The following PAIP1 variants were observed in gnomAD, a reference collection of about 807,000 sequenced individuals.
PAIP1 encodes poly(A) binding protein interacting protein 1.
Under a neutral mutation model 61.3 loss-of-function variants are expected in PAIP1, and 16 were observed. That is an observed-to-expected ratio of 0.26 (90% confidence interval 0.18 to 0.40). The LOEUF is 0.40. Ranked by LOEUF, PAIP1 falls within the 10% of genes least tolerant of loss-of-function variation. The probability of loss-of-function intolerance (pLI) is 1.00; values close to 1 mark genes in which losing one functional copy is unlikely to be tolerated. For synonymous variants in PAIP1, 187 were observed against 226.2 expected, an observed-to-expected ratio of 0.83 and a Z score of 1.56; for missense variants, 416 against 600.9, an observed-to-expected ratio of 0.69 and a Z score of 3.22.
intron 4 of PAIP1, among the ~76,000 whole-genome samples, chr5:43,542,733 T>C (rs1332772217): frequency 1.3e-5 from 2 of 152,154 alleles, no homozygotes; most frequent in Non-Finnish European, 2.9e-5. Flanking sequence ...TAGATCCTTA[T>C]TCAAACCAAA....
intron 2 of PAIP1, among the ~76,000 whole-genome samples, chr5:43,551,086 G>T (rs1474429538): frequency 6.6e-6 from 1 of 152,096 alleles, no homozygotes; most frequent in Non-Finnish European, 1.5e-5. Context: ...GATCTTAGAG[G>T]GCTTTGGGGG....
At position 43,557,004 on chromosome 5, in the gene PAIP1, C is replaced by T. The variant is rs1368555768; in HGVS notation, c.-158G>A. 25 of 1,203,486 alleles carry T rather than the reference C, an allele frequency of 2.1e-5. No homozygotes were observed. The highest frequency in any genetic ancestry group is 2.5e-5 in the Non-Finnish European group (24 of 957,406). 74.6% of individuals were successfully genotyped at this position (1,203,486 alleles called of 1,614,324 possible). A position where few individuals can be genotyped will look rare whatever the true frequency, so the allele number is the denominator to read the frequency against. On this transcript the variant is annotated 5_prime_UTR_variant, in exon 1 of 11. Transcript: ENST00000306846. Reference sequence around the variant, plus strand: ...GCCCCGGCTCGGCTGCTCGGTGCTTCTGGCGGAGCGGACGGCAGCCCGAGC... The same window carrying T: ...GCCCCGGCTCGGCTGCTCGGTGCTTTTGGCGGAGCGGACGGCAGCCCGAGC...
Sources: allele counts gnomAD v4.1 joint callset (sites outside exome capture counted in the v4.1 genomes callset), GRCh38; gene constraint gnomAD v4.1.1; transcripts MANE v1.5; gene names NCBI Gene and HGNC (gene_info 2026-07-23, HGNC 2026-07-21).